Variants in CMSS1 observed in about 807,000 individuals in gnomAD.
The protein encoded by CMSS1 is protein CMSS1.
Under a neutral mutation model 43.5 loss-of-function variants are expected in CMSS1, and 33 were observed. The ratio of observed to expected loss-of-function variants is 0.76; its 90% CI spans 0.57 to 1.01. The LOEUF is 1.01. CMSS1 is among the 50% of genes least tolerant of loss of function. CMSS1 has a pLI of 0.00. For missense variants in CMSS1, 313 were observed against 326.4 expected, an observed-to-expected ratio of 0.96 and a Z score of 0.32; for synonymous variants, 115 against 117.2, an observed-to-expected ratio of 0.98 and a Z score of 0.12.
Position 99,833,126 on chromosome 3 carries a change from A to G in CMSS1, c.64+15083A>G. 4.3e-6 allele frequency: 4 copies of G among 922,314 alleles called. No individual in the cohort carries two copies. In the South Asian group the frequency reaches 5.9e-5, roughly 14 times the overall value. 57.1% of individuals were successfully genotyped at this position (922,314 alleles called of 1,614,324 possible). A position where few individuals can be genotyped will look rare whatever the true frequency, so the allele number is the denominator to read the frequency against. On this transcript the variant is annotated intron_variant, in intron 1 of 9. Coordinates refer to ENST00000421999, the MANE Select transcript of CMSS1 (RefSeq NM_032359.4). ...CAGATGTCTTGGAGGAGATTAAGCA[A>G]GTTGGAAAGCTCATTCATAGAAGAA...
At chr3:99,918,039 G>A (rs889528455) in intron 1 of CMSS1, among the ~76,000 whole-genome samples, 5 of 152,008 alleles carry the variant, frequency 3.3e-5, no homozygotes, top group Admixed American at 1.3e-4. Flanking sequence ...GTGCAGTGGC[G>A]TGATCTCGGC....
rs747114915 is a variant in CMSS1 at position 100,178,378 on chromosome 3, G to A, written c.830G>A (p.Gly277Asp). The A allele has an allele frequency of 6.2e-7, 1 of 1,610,256 alleles. No homozygotes were observed. The highest frequency in any genetic ancestry group is 8.5e-7 in the Non-Finnish European group (1 of 1,176,740). The part of the protein sequence containing the change: ...SLCKSESLKL[G>D]LF ...TGCAAGTCAGAATCCTTGAAACTGG[G>A]CCTTTTCTAAGTCTGTGTCCTAATG... Residue 277 changes from glycine to aspartate, a missense_variant, in exon 10 of 10, where the codon GGC becomes GAC. Physicochemically the swap from Gly to Asp is moderately conservative, Grantham distance 94 (BLOSUM62 -1). Coordinates refer to ENST00000421999, the MANE Select transcript of CMSS1 (RefSeq NM_032359.4).
chr3:100,137,459 A>G (rs1014000941), intron 1 of CMSS1, among the ~76,000 whole-genome samples: 1 of 152,236 alleles, frequency 6.6e-6, no homozygotes, highest in Non-Finnish European at 1.5e-5. Flanking sequence ...AATTGGTAGA[A>G]TTACTGTAAA....
intron 1 of CMSS1, among the ~76,000 whole-genome samples, chr3:99,819,906 C>T (rs1942400306): frequency 6.6e-6 from 1 of 151,882 alleles, no homozygotes; most frequent in Non-Finnish European, 1.5e-5. Context: ...AGGTGCCCGC[C>T]ACCACACCCA....
chr3:100,052,592 G>C (rs2065393080), intron 1 of CMSS1, among the ~76,000 whole-genome samples: 1 of 152,198 alleles, frequency 6.6e-6, no homozygotes, highest in African/African-American at 2.4e-5. Flanking sequence ...TGCTAGTATA[G>C]GAAAGAGGGC....
chr3:99,900,207 G>A (rs761011426), intron 1 of CMSS1, among the ~76,000 whole-genome samples: 4 of 152,060 alleles, frequency 2.6e-5, no homozygotes, highest in Non-Finnish European at 4.4e-5. Context: ...CTACAGGATG[G>A]AAGTCAAAAC....
At chr3:100,045,766 T>G (rs1474744142) in intron 1 of CMSS1, among the ~76,000 whole-genome samples, 1 of 152,250 alleles carries the variant, frequency 6.6e-6, no homozygotes, top group African/African-American at 2.4e-5. Flanking sequence ...TTGCTGTGAA[T>G]GTGGGGAAAC....
chr3:100,115,043 A>G, intron 1 of CMSS1: 2 of 1,323,094 alleles, frequency 1.5e-6, no homozygotes, highest in Non-Finnish European at 2.1e-6. Context: ...ATATTATTCA[A>G]GTGTTAAGAA....
intron 1 of CMSS1, among the ~76,000 whole-genome samples, chr3:100,017,165 A>G (rs1710369205): frequency 6.6e-6 from 1 of 152,262 alleles, no homozygotes; most frequent in African/African-American, 2.4e-5. Context: ...TTTATAAAAT[A>G]TCTGATCAAG....
intron 1 of CMSS1, among the ~76,000 whole-genome samples, chr3:99,918,555 G>C (rs986088825): frequency 2.0e-5 from 3 of 152,200 alleles, no homozygotes; most frequent in Admixed American, 6.5e-5. Context: ...AGGTAGCATT[G>C]TCACTCTATC....
At chr3:99,842,995 G>A (rs1481527002) in intron 1 of CMSS1, among the ~76,000 whole-genome samples, 1 of 152,202 alleles carries the variant, frequency 6.6e-6, no homozygotes, top group Non-Finnish European at 1.5e-5. Context: ...GATGTACCTT[G>A]AGGAATGGAA....
chr3:100,165,733 A>G (rs2067060845), intron 4 of CMSS1, among the ~76,000 whole-genome samples: 1 of 152,166 alleles, frequency 6.6e-6, no homozygotes, highest in African/African-American at 2.4e-5. Flanking sequence ...TGTGTACCTT[A>G]ATAGACCATG....
chr3:100,160,155 C>G (rs1303403131), intron 2 of CMSS1, among the ~76,000 whole-genome samples: 1 of 152,102 alleles, frequency 6.6e-6, no homozygotes, highest in African/African-American at 2.4e-5. Flanking sequence ...ACTGCACTTC[C>G]ACACCAAGCA....
At position 99,849,015 on chromosome 3, in the gene CMSS1, C is replaced by T. The variant is rs1281114724; in HGVS notation, c.64+30972C>T. ...GGCTTAGGACTAGATCTCCAGGTTG[C>T]ACAAAGTTGGCATTGGGTTTAGTTT... On this transcript the variant is annotated intron_variant, in intron 1 of 9. Coordinates refer to ENST00000421999, the MANE Select transcript of CMSS1 (RefSeq NM_032359.4). 4.3e-6 allele frequency: 7 copies of T among 1,614,070 alleles called. No individual in the cohort carries two copies. In the Admixed American group the frequency reaches 8.3e-5, roughly 19 times the overall value.
chr3:100,000,053 G>A (rs1408217739), intron 1 of CMSS1, among the ~76,000 whole-genome samples: 1 of 152,178 alleles, frequency 6.6e-6, no homozygotes, highest in African/African-American at 2.4e-5. Flanking sequence ...TGGGGCCCAG[G>A]CATCTCTATT....
intron 1 of CMSS1, among the ~76,000 whole-genome samples, chr3:99,841,201 A>G (rs148834943): frequency 6.6e-5 from 10 of 152,316 alleles, no homozygotes; most frequent in Non-Finnish European, 1.0e-4. Context: ...GATCGTTTCC[A>G]CTCACTTGAT....
intron 1 of CMSS1, among the ~76,000 whole-genome samples, chr3:100,137,905 G>A (rs967872546): frequency 6.6e-5 from 10 of 152,010 alleles, no homozygotes; most frequent in African/African-American, 2.2e-4. Flanking sequence ...ATGACCATAC[G>A]TAGACATCTG....
intron 1 of CMSS1, among the ~76,000 whole-genome samples, chr3:100,027,564 C>T (rs2064948674): frequency 1.3e-5 from 2 of 152,098 alleles, no homozygotes; most frequent in African/African-American, 4.8e-5. Flanking sequence ...CCTTCCATTC[C>T]CACATGTACC....
At chr3:100,139,724 G>A (rs866319170) in intron 1 of CMSS1, among the ~76,000 whole-genome samples, 4 of 150,210 alleles carry the variant, frequency 2.7e-5, no homozygotes, top group Admixed American at 6.6e-5. Context: ...TTGAACCCAG[G>A]AGGCGGAGGT....
Sources: gnomAD v4.1 joint callset for allele counts (sites outside exome capture counted in the v4.1 genomes callset) on GRCh38, gnomAD v4.1.1 for gene constraint, MANE v1.5 for transcripts, NCBI Gene and HGNC (gene_info 2026-07-23, HGNC 2026-07-21) for gene names.